The following UBE2U variants were observed in gnomAD, a reference collection of about 807,000 sequenced individuals.
UBE2U encodes the protein ubiquitin-conjugating enzyme E2 U.
UBE2U carries 39 observed loss-of-function variants against 41.2 expected under a neutral mutation model. That is an observed-to-expected ratio of 0.95 (90% CI 0.73 to 1.24). The LOEUF is 1.24. UBE2U is among the 50% of genes most tolerant of loss of function. UBE2U has a pLI of 0.00. For synonymous variants in UBE2U, 107 were observed against 117.8 expected (o/e 0.91, Z 0.60); for missense variants, 336 against 363.1 (o/e 0.93, Z 0.61).
At chr1:64,257,315 T>C (rs2100533215) in intron 8 of UBE2U, among the ~76,000 whole-genome samples, 1 of 152,300 alleles carries the variant, frequency 6.6e-6, no homozygotes, top group South Asian at 2.1e-4. Flanking sequence ...TGCATGCCTA[T>C]GTTCATTGCA....
chr1:64,246,248 G>A (rs1449977243), intron 8 of UBE2U, among the ~76,000 whole-genome samples: 2 of 152,028 alleles, frequency 1.3e-5, no homozygotes, highest in African/African-American at 4.8e-5. Flanking sequence ...TAAATTAAGA[G>A]ACTAATACAT....
intron 6 of UBE2U, among the ~76,000 whole-genome samples, chr1:64,229,051 G>A (rs1186686511): frequency 6.6e-6 from 1 of 152,070 alleles, no homozygotes; most frequent in African/African-American, 2.4e-5. Context: ...AGTAGAGACA[G>A]GGTTTCACCA....
At chr1:64,220,107 A>G (rs1368120527) in intron 5 of UBE2U, among the ~76,000 whole-genome samples, 1 of 152,192 alleles carries the variant, frequency 6.6e-6, no homozygotes, top group Non-Finnish European at 1.5e-5. Context: ...TGAATGGACT[A>G]TTAAAAAGAC....
At chr1:64,216,139 GT>G (rs1557707409) in intron 5 of UBE2U, among the ~76,000 whole-genome samples, 1 of 152,100 alleles carries the variant, frequency 6.6e-6, no homozygotes, top group Non-Finnish European at 1.5e-5. Context: ...CCTCCACAGG[GT>G]TTTTGGGTCT....
At position 64,206,772 on chromosome 1, in the gene UBE2U, T is replaced by G. The variant is rs778662371; in HGVS notation, c.157T>G (p.Phe53Val). ...LQNSVWQGLVFQLTIHFTSEY... is the reference protein window; with the variant it reads ...LQNSVWQGLVVQLTIHFTSEY... ...TTATTTCTATATTATAGGTTTAGTC[T>G]TCCAACTGACAATACATTTTACATC... The change falls in exon 3 of 10, where the codon TTC becomes GTC. Residue 53 changes from phenylalanine to valine, a missense_variant. Phe to Val is a conservative substitution (Grantham distance 50). Coordinates refer to ENST00000371077, the MANE Select transcript of UBE2U (RefSeq NM_001366232.2). The G allele has an allele frequency of 1.9e-6, 3 of 1,587,758 alleles. No individual in the cohort carries two copies. The Admixed American group carries it at 5.1e-5, about 27-fold the overall frequency.
Position 64,203,753 on chromosome 1 carries a change from AC to A in UBE2U, c.-297del. ...CCGACGACATGGGCTTGTCTCCGTT[AC>A]TCATCCAAGTTTGTCTTGAGACTGG... is the stretch of plus-strand genomic sequence containing the variant. On this transcript the variant is annotated 5_prime_UTR_variant, in exon 1 of 10. An upstream open reading frame in the 5' UTR loses its in-frame stop. Transcript: ENST00000371077. The A allele has an allele frequency of 6.6e-6, 2 of 302,560 alleles. No homozygotes were observed. The highest frequency in any genetic ancestry group is 5.0e-5 in the Admixed American group (1 of 20,014). 18.7% of individuals were successfully genotyped at this position (302,560 alleles called of 1,614,324 possible). A position where few individuals can be genotyped will look rare whatever the true frequency, so the allele number is the denominator to read the frequency against.
At chr1:64,265,104 G>T (rs1051466438) in intron 9 of UBE2U, among the ~76,000 whole-genome samples, 1 of 152,114 alleles carries the variant, frequency 6.6e-6, no homozygotes, top group Admixed American at 6.5e-5. Flanking sequence ...CCTGGATGTT[G>T]CTGTGTCCGG....
chr1:64,250,891 C>T (rs1483763197), intron 8 of UBE2U, among the ~76,000 whole-genome samples: 1 of 138,536 alleles, frequency 7.2e-6, no homozygotes, highest in Non-Finnish European at 1.5e-5. Flanking sequence ...GGAAGGGGAA[C>T]ATCACACACC....
chr1:64,212,591 T>C (rs1651726407), intron 4 of UBE2U, among the ~76,000 whole-genome samples: 1 of 152,200 alleles, frequency 6.6e-6, no homozygotes, highest in South Asian at 2.1e-4. Context: ...AATAACTCAA[T>C]AGTTAATACA....
At chr1:64,237,972 T>G (rs1397427124) in intron 7 of UBE2U, among the ~76,000 whole-genome samples, 2 of 152,220 alleles carry the variant, frequency 1.3e-5, no homozygotes, top group Non-Finnish European at 2.9e-5. Context: ...TCGTGAGAGA[T>G]TAAATTTTAA....
intron 6 of UBE2U, among the ~76,000 whole-genome samples, chr1:64,230,417 C>T (rs1362323764): frequency 6.6e-6 from 1 of 152,050 alleles, no homozygotes; most frequent in African/African-American, 2.4e-5. Context: ...ATTTGAGGAC[C>T]CTGCACTGCC....
At chr1:64,226,379 A>T (rs1652866721) in intron 6 of UBE2U, among the ~76,000 whole-genome samples, 1 of 152,314 alleles carries the variant, frequency 6.6e-6, no homozygotes, top group African/African-American at 2.4e-5. Flanking sequence ...ATTGACTGGG[A>T]AGGGGCAGTA....
At chr1:64,238,329 G>A (rs941815955) in intron 7 of UBE2U, among the ~76,000 whole-genome samples, 4 of 151,740 alleles carry the variant, frequency 2.6e-5, no homozygotes, top group African/African-American at 9.7e-5. Context: ...ACTTGAACCT[G>A]GAAGATGGAG....
intron 4 of UBE2U, among the ~76,000 whole-genome samples, chr1:64,213,168 A>T (rs1651763388): frequency 6.6e-6 from 1 of 152,138 alleles, no homozygotes; most frequent in African/African-American, 2.4e-5. Flanking sequence ...CCTCACACCT[A>T]GACTCTCCCT....
At chr1:64,256,217 G>A (rs1006140019) in intron 8 of UBE2U, among the ~76,000 whole-genome samples, 16 of 152,142 alleles carry the variant, frequency 1.1e-4, no homozygotes, top group Admixed American at 9.8e-4. Context: ...TAGATTCAAT[G>A]CTATTCCCAT....
chr1:64,263,169 G>C (rs914171510), intron 9 of UBE2U, among the ~76,000 whole-genome samples: 3 of 152,060 alleles, frequency 2.0e-5, no homozygotes, highest in Non-Finnish European at 4.4e-5. Context: ...ACTCCTTTCT[G>C]TCTACTCTGG....
chr1:64,255,985 A>G (rs1165262720), intron 8 of UBE2U, among the ~76,000 whole-genome samples: 3 of 152,110 alleles, frequency 2.0e-5, no homozygotes, highest in African/African-American at 7.2e-5. Context: ...TCAACAGGCA[A>G]GCAGAGAGTC....
intron 9 of UBE2U, among the ~76,000 whole-genome samples, chr1:64,263,174 C>T (rs1645205457): frequency 6.6e-6 from 1 of 152,158 alleles, no homozygotes; most frequent in East Asian, 1.9e-4. Context: ...TTTCTGTCTA[C>T]TCTGGAAGAA....
intron 3 of UBE2U, among the ~76,000 whole-genome samples, chr1:64,207,665 C>T (rs1452625430): frequency 2.0e-5 from 3 of 151,872 alleles, no homozygotes; most frequent in Non-Finnish European, 4.4e-5. Flanking sequence ...ATACACAAAA[C>T]CAATTCCTGA....
Sources: allele counts gnomAD v4.1 joint callset (sites outside exome capture counted in the v4.1 genomes callset), GRCh38; gene constraint gnomAD v4.1.1; transcripts MANE v1.5; gene names NCBI Gene and HGNC (gene_info 2026-07-23, HGNC 2026-07-21).